The following PPP4R1 variants were observed in gnomAD, a reference collection of about 807,000 sequenced individuals.
The protein encoded by PPP4R1 is serine/threonine-protein phosphatase 4 regulatory subunit 1.
In PPP4R1, 42 loss-of-function variants were observed where a neutral mutation model predicts 111.2. That is an observed-to-expected ratio of 0.38 (90% CI 0.29 to 0.49). PPP4R1 has a LOEUF of 0.49. Ranked by LOEUF, PPP4R1 falls within the 20% of genes least tolerant of loss-of-function variation. The probability of loss-of-function intolerance (pLI) is 0.97; values close to 1 mark genes in which losing one functional copy is unlikely to be tolerated. For synonymous variants in PPP4R1, 409 were observed against 405.5 expected (o/e 1.01, Z -0.10); for missense variants, 1,012 against 1,161.6 (o/e 0.87, Z 1.87).
intron 13 of PPP4R1, 40 bp downstream of exon 13, chr18:9,561,940 G>C (rs1013387583): frequency 6.6e-7 from 1 of 1,509,718 alleles, no homozygotes; most frequent in Non-Finnish European, 9.2e-7. Flanking sequence ...AGAGGAATTA[G>C]GAACACACCC....
intron 9 of PPP4R1, 59 bp downstream of exon 9, chr18:9,583,058 G>C (rs932528627): frequency 2.8e-6 from 4 of 1,403,510 alleles, no homozygotes; most frequent in Non-Finnish European, 3.8e-6. Context: ...TCAAAATTAT[G>C]TTTGCTTTAA....
In PPP4R1 at chr18:9,614,487, T is replaced by C; in HGVS notation, c.-3A>G. 1.9e-6 allele frequency: 2 copies of C among 1,029,858 alleles called. No individual in the cohort carries two copies. Among genetic ancestry groups the C allele is most frequent in the Non-Finnish European group, 2.3e-6 (2 of 859,838 alleles). The allele number at this position is 1,029,858 out of a possible 1,614,324, so 63.8% of individuals were successfully genotyped here. A position where few individuals can be genotyped will look rare whatever the true frequency, so the allele number is the denominator to read the frequency against. The stretch of plus-strand genomic sequence containing the variant: ...ACAGGGGGCCACGTACCCGCCATCT[T>C]GTGGTCGCCCCCTCCTCCGCGGCCG... On this transcript the variant is annotated 5_prime_UTR_variant, in exon 1 of 20. Coordinates refer to ENST00000400556, the MANE Select transcript of PPP4R1 (RefSeq NM_001042388.3). This position sits in a 1 kb window ranked among gnomAD's most constrained non-coding sequence, Gnocchi z 4.1.
chr18:9,557,516 A>C, intron 14 of PPP4R1, 134 bp from the exon 15 acceptor site: 1 of 723,676 alleles, frequency 1.4e-6, no homozygotes, highest in Non-Finnish European at 2.1e-6. Context: ...ACAGATACTA[A>C]CTTTAAATGC....
At chr18:9,554,328 C>T (rs1598889107) in intron 15 of PPP4R1, among the ~76,000 whole-genome samples, 2 of 151,918 alleles carry the variant, frequency 1.3e-5, no homozygotes, top group African/African-American at 2.4e-5. Flanking sequence ...GGGGATTCAC[C>T]GTGTTAGCCA....
At chr18:9,596,361 CT>C (rs1555674533) in intron 2 of PPP4R1, among the ~76,000 whole-genome samples, 1 of 152,170 alleles carries the variant, frequency 6.6e-6, no homozygotes, top group Non-Finnish European at 1.5e-5. Flanking sequence ...TTTCCTGGCA[CT>C]TCCTATTCTA....
At chr18:9,554,480 G>A (rs988350508) in intron 15 of PPP4R1, among the ~76,000 whole-genome samples, 9 of 151,206 alleles carry the variant, frequency 6.0e-5, no homozygotes, top group African/African-American at 1.9e-4. Flanking sequence ...TTTACCAGGA[G>A]TAAAAAGAAA....
intron 6 of PPP4R1, among the ~76,000 whole-genome samples, chr18:9,585,157 G>A (rs2067096057): frequency 6.6e-6 from 1 of 151,884 alleles, no homozygotes; most frequent in Non-Finnish European, 1.5e-5. Context: ...AATTTTAAAA[G>A]CAAAACAAAC....
chr18:9,550,342 C>T lies in PPP4R1; in HGVS notation c.2348G>A (p.Arg783His), dbSNP rs1228781889. ...YSPRDVYDYL[R>H]PIALNLCADK... Reference sequence around the variant, plus strand: ...TGCACACAGATTCAGAGCAATGGGACGTAAATAGTCATAAACATCTCTGGG... The same window carrying T: ...TGCACACAGATTCAGAGCAATGGGATGTAAATAGTCATAAACATCTCTGGG... The change falls in exon 17 of 20, where the codon CGT (arginine) becomes CAT (histidine). Residue 783 changes from arginine (R) to histidine (H), a missense_variant. This residue lies in a region of PPP4R1 where 305 missense variants were observed against 419.5 expected (regional missense o/e 0.73). Coordinates refer to ENST00000400556, the MANE Select transcript of PPP4R1 (RefSeq NM_001042388.3). 2.5e-6 allele frequency: 4 copies of T among 1,610,794 alleles called. No homozygotes were observed. Among genetic ancestry groups the T allele is most frequent in the East Asian group, 2.2e-5 (1 of 44,866 alleles).
chr18:9,583,025 ATTATAAG>A, intron 9 of PPP4R1, 85 bp downstream of exon 9: 2 of 1,128,280 alleles, frequency 1.8e-6, no homozygotes, highest in South Asian at 4.8e-5. Context: ...TATATCTTAA[ATTATAAG>A]TTATTTCTTA....
chr18:9,587,702 AG>A (rs1189776767), intron 6 of PPP4R1, among the ~76,000 whole-genome samples: 19 of 150,294 alleles, frequency 1.3e-4, no homozygotes, highest in African/African-American at 4.4e-4. Flanking sequence ...CACTGCACCC[AG>A]CCCAGCCTAA....
chr18:9,577,583 C>A (rs960649617), intron 9 of PPP4R1, among the ~76,000 whole-genome samples: 15 of 152,098 alleles, frequency 9.9e-5, no homozygotes, highest in African/African-American at 3.6e-4. Flanking sequence ...GGAAGAAGCG[C>A]GTGAACCCAT....
At chr18:9,604,767 C>T (rs1374264336) in intron 2 of PPP4R1, among the ~76,000 whole-genome samples, 2 of 152,126 alleles carry the variant, frequency 1.3e-5, no homozygotes, top group African/African-American at 2.4e-5. Flanking sequence ...CCCTCCCCAA[C>T]ATATATAAAT....
intron 16 of PPP4R1, 101 bp from the exon 17 acceptor site, chr18:9,550,499 CCT>C: frequency 7.4e-7 from 1 of 1,343,952 alleles, no homozygotes; most frequent in South Asian, 1.4e-5. Flanking sequence ...TTACTGAGCA[CCT>C]GTCTCAAACA....
chr18:9,607,592 A>G (rs1373232391), intron 2 of PPP4R1, among the ~76,000 whole-genome samples: 2 of 152,138 alleles, frequency 1.3e-5, no homozygotes, highest in Admixed American at 1.3e-4. Context: ...AGAGTAACAT[A>G]ATTAGCCATT....
intron 2 of PPP4R1, among the ~76,000 whole-genome samples, chr18:9,610,769 A>C (rs1203771788): frequency 1.3e-5 from 2 of 151,952 alleles, no homozygotes; most frequent in Non-Finnish European, 1.5e-5. Context: ...TATTCTCCTA[A>C]ATTTAAGAGT....
chr18:9,604,019 G>A (rs1385860194), intron 2 of PPP4R1, among the ~76,000 whole-genome samples: 1 of 152,026 alleles, frequency 6.6e-6, no homozygotes, highest in Non-Finnish European at 1.5e-5. Context: ...AATGAATAGT[G>A]GGTATCCAAG....
rs567172898 is a variant in PPP4R1 at position 9,598,869 on chromosome 18, T to C, written c.53-3716A>G. On this transcript the variant is annotated intron_variant, in intron 2 of 19. Transcript: ENST00000400556. ...GTAAAACCTTGCCTCTAAAAAAAAATACAAAAATTAGCTGGGCATGGTGGC... is the reference window on the plus strand; with the variant it reads ...GTAAAACCTTGCCTCTAAAAAAAAACACAAAAATTAGCTGGGCATGGTGGC... Among the ~76,000 whole-genome samples the C allele has an allele frequency of 4.7e-5, 7 of 149,852 alleles. No individual in the cohort carries two copies. In the South Asian group the frequency reaches 1.3e-3, roughly 27 times the overall value.
chr18:9,561,650 C>T (rs1026715954), intron 13 of PPP4R1, among the ~76,000 whole-genome samples: 6 of 152,010 alleles, frequency 3.9e-5, no homozygotes, highest in African/African-American at 1.5e-4. Flanking sequence ...GAGGAAATAC[C>T]TAGGTAGGAT....
intron 2 of PPP4R1, among the ~76,000 whole-genome samples, chr18:9,608,738 A>C (rs1177714800): frequency 2.0e-5 from 3 of 152,168 alleles, no homozygotes; most frequent in African/African-American, 7.2e-5. Context: ...AGGAACTTTC[A>C]AATTCTTTTA....
Sources: allele counts gnomAD v4.1 joint callset (sites outside exome capture counted in the v4.1 genomes callset), GRCh38; gene constraint gnomAD v4.1.1; regional missense constraint gnomAD v4.1.1; non-coding constraint Gnocchi (gnomAD v3.1); transcripts MANE v1.5; gene names NCBI Gene and HGNC (gene_info 2026-07-23, HGNC 2026-07-21).